Variants in IL1RAPL1 observed in about 807,000 individuals in gnomAD.
IL1RAPL1 encodes interleukin 1 receptor accessory protein like 1.
In IL1RAPL1, 3 loss-of-function variants were observed where a neutral mutation model predicts 48.4. The observed-to-expected ratio is 0.06, with a 90% CI of 0.03 to 0.16. The LOEUF is 0.16. IL1RAPL1 is among the 10% of genes least tolerant of loss of function. The probability of loss-of-function intolerance (pLI) is 1.00; values close to 1 mark genes in which losing one functional copy is unlikely to be tolerated. For synonymous variants in IL1RAPL1, 185 were observed against 187.7 expected (o/e 0.99, Z 0.12); for missense variants, 349 against 530.6 (o/e 0.66, Z 3.36).
chrX:29,803,509 A>G (rs1186822275), intron 6 of IL1RAPL1, among the ~76,000 whole-genome samples: 1 of 96,374 alleles, frequency 1.0e-5, no homozygotes, highest in African/African-American at 4.0e-5. Context: ...ACATATGTGT[A>G]TATATGTATA....
chrX:29,873,568 C>T (rs1931845686), intron 6 of IL1RAPL1, among the ~76,000 whole-genome samples: 1 of 111,735 alleles, frequency 8.9e-6, no homozygotes, highest in Non-Finnish European at 1.9e-5. Context: ...ATCCGTGAAG[C>T]AGAGAGCTCA....
intron 2 of IL1RAPL1, among the ~76,000 whole-genome samples, chrX:29,175,562 C>A (rs1791175855): frequency 9.0e-6 from 1 of 110,560 alleles, no homozygotes; most frequent in Non-Finnish European, 1.9e-5. Context: ...AAATAAGATT[C>A]CAAGCTGGGT....
chrX:29,414,477 G>C (rs1934188884), intron 5 of IL1RAPL1, among the ~76,000 whole-genome samples: 1 of 111,240 alleles, frequency 9.0e-6, no homozygotes, highest in Non-Finnish European at 1.9e-5. Context: ...CCATCACTTT[G>C]GGAGGCTGAG....
intron 2 of IL1RAPL1, among the ~76,000 whole-genome samples, chrX:29,281,642 A>G (rs1326521418): frequency 3.6e-5 from 4 of 111,979 alleles, no homozygotes; most frequent in South Asian, 3.7e-4. Context: ...ATTGATTTCT[A>G]TATTGTTTGG....
intron 2 of IL1RAPL1, among the ~76,000 whole-genome samples, chrX:29,265,468 T>TTA (rs1225408598): frequency 9.1e-6 from 1 of 109,498 alleles, no homozygotes; most frequent in Non-Finnish European, 1.9e-5. Context: ...TTTTTTTATT[T>TTA]TTTTATTTTA....
intron 2 of IL1RAPL1, among the ~76,000 whole-genome samples, chrX:28,996,794 T>A (rs973486138): frequency 5.4e-5 from 6 of 111,627 alleles, no homozygotes; most frequent in Admixed American, 2.9e-4. Context: ...ATATGGTAAC[T>A]CATTGTGATT....
chrX:28,806,167 T>C (rs1936729469), intron 2 of IL1RAPL1, among the ~76,000 whole-genome samples: 1 of 112,060 alleles, frequency 8.9e-6, no homozygotes, highest in Admixed American at 9.5e-5. Flanking sequence ...ATAGTTTCAT[T>C]AGAGTTTACA....
intron 6 of IL1RAPL1, among the ~76,000 whole-genome samples, chrX:29,712,817 C>T (rs1474959341): frequency 2.7e-5 from 3 of 112,001 alleles, no homozygotes; most frequent in Non-Finnish European, 5.6e-5. Context: ...TCTGAAAACT[C>T]TCACATGAAA....
intron 1 of IL1RAPL1, among the ~76,000 whole-genome samples, chrX:28,683,994 A>C (rs1022249705): frequency 8.9e-6 from 1 of 112,455 alleles, no homozygotes; most frequent in African/African-American, 3.2e-5. Context: ...TTGCCATGTA[A>C]GGTTACATGT....
At chrX:29,606,030 A>G (rs1923881116) in intron 5 of IL1RAPL1, among the ~76,000 whole-genome samples, 3 of 112,045 alleles carry the variant, frequency 2.7e-5, no homozygotes, top group Non-Finnish European at 5.6e-5. Context: ...ACCTAAATCT[A>G]TTTTGCAGTT....
chrX:29,267,118 C>T (rs1014005720), intron 2 of IL1RAPL1, among the ~76,000 whole-genome samples: 2 of 112,017 alleles, frequency 1.8e-5, no homozygotes, highest in African/African-American at 6.5e-5. Context: ...CACTCTTTTC[C>T]ACAGATACCT....
chrX:29,851,969 T>C (rs774185277), intron 6 of IL1RAPL1, among the ~76,000 whole-genome samples: 1 of 112,770 alleles, frequency 8.9e-6, no homozygotes, highest in Admixed American at 9.4e-5. Flanking sequence ...ATAGTGATGC[T>C]CTTAAAGTGT....
intron 2 of IL1RAPL1, among the ~76,000 whole-genome samples, chrX:28,847,436 T>A (rs1490524199): frequency 9.0e-6 from 1 of 111,473 alleles, no homozygotes; most frequent in African/African-American, 3.3e-5. Flanking sequence ...ATGATATTCT[T>A]CTCTATTCAG....
intron 3 of IL1RAPL1, among the ~76,000 whole-genome samples, chrX:29,317,151 A>G (rs1323289315): frequency 1.8e-5 from 2 of 111,611 alleles, no homozygotes; most frequent in Non-Finnish European, 3.8e-5. Flanking sequence ...GTTCTCCCCA[A>G]ATATTTTGGG....
Position 28,873,748 on chromosome X carries a change from G to A in IL1RAPL1, c.82+84323G>A, listed in dbSNP as rs750130154. ...GGGTTTCACTGTGTTAGCCAGGATG[G>A]TCTGGATCTCCTGACCTCGTGATCC... On this transcript the variant is annotated intron_variant, in intron 2 of 10. Coordinates refer to ENST00000378993, the MANE Select transcript of IL1RAPL1 (RefSeq NM_014271.4). 7.5e-5 allele frequency among the ~76,000 whole-genome samples: 8 copies of A among 106,133 alleles called. No homozygotes were observed. The East Asian group carries it at 2.1e-3, about 28-fold the overall frequency. The allele number at this position is 106,133 out of a possible 115,157, so 92.2% of individuals were successfully genotyped here.
intron 5 of IL1RAPL1, among the ~76,000 whole-genome samples, chrX:29,538,338 C>CTTTTTTTTTT (rs397896582): frequency 1.2e-5 from 1 of 83,622 alleles, no homozygotes. Context: ...CTTTTCTTTT[C>CTTTTTTTTTT]TTTTTTTTTT....
intron 6 of IL1RAPL1, among the ~76,000 whole-genome samples, chrX:29,717,920 A>G (rs1927527178): frequency 8.9e-6 from 1 of 112,139 alleles, no homozygotes; most frequent in South Asian, 3.7e-4. Flanking sequence ...GTGAATCTGA[A>G]TGAGACCCAG....
At position 29,591,896 on chromosome X, in the gene IL1RAPL1, G is replaced by A. The variant is rs375847247; in HGVS notation, c.704-76534G>A. Among the ~76,000 whole-genome samples, 40 of 112,102 alleles carry A rather than the reference G, an allele frequency of 3.6e-4. No individual in the cohort carries two copies. The South Asian group carries it at 0.015, about 42-fold the overall frequency. On this transcript the variant is annotated intron_variant, in intron 5 of 10. Coordinates refer to ENST00000378993, the MANE Select transcript of IL1RAPL1 (RefSeq NM_014271.4). The stretch of plus-strand genomic sequence containing the variant: ...CAGGATCACATGGCCAGAAAGTGGT[G>A]AACAGGGATCTCCAACCCAAATCCT...
At chrX:29,802,781 A>ATATATATG (rs1555922107) in intron 6 of IL1RAPL1, among the ~76,000 whole-genome samples, 1 of 32,637 alleles carries the variant, frequency 3.1e-5, no homozygotes, top group Non-Finnish European at 5.0e-5. Context: ...ATATATATAT[A>ATATATATG]TGTGTGTGTG....
Sources: gnomAD v4.1 joint callset for allele counts (sites outside exome capture counted in the v4.1 genomes callset) on GRCh38, gnomAD v4.1.1 for gene constraint, MANE v1.5 for transcripts, NCBI Gene and HGNC (gene_info 2026-07-23, HGNC 2026-07-21) for gene names.